FER: variants seen among roughly 807,000 people sequenced by gnomAD.
The protein encoded by FER is FER tyrosine kinase, also known as tyrosine-protein kinase Fer.
FER carries 63 observed loss-of-function variants against 111.0 expected under a neutral mutation model. The observed-to-expected ratio is 0.57, with a 90% confidence interval of 0.46 to 0.70. The LOEUF is 0.70. Among genes scored for constraint, FER ranks in the 30% least tolerant of loss-of-function variants. The probability of loss-of-function intolerance (pLI) is 0.00; values close to 1 mark genes in which losing one functional copy is unlikely to be tolerated. For missense variants in FER, 914 were observed against 954.0 expected, an observed-to-expected ratio of 0.96 and a Z score of 0.55; for synonymous variants, 327 against 313.9, an observed-to-expected ratio of 1.04 and a Z score of -0.44.
intron 16 of FER, among the ~76,000 whole-genome samples, chr5:109,093,174 G>A (rs1167456024): frequency 6.6e-6 from 1 of 152,102 alleles, no homozygotes; most frequent in Non-Finnish European, 1.5e-5. Context: ...CTAGAGATGT[G>A]TTGTACAACA....
chr5:109,064,251 G>T (rs1467703979), intron 16 of FER, among the ~76,000 whole-genome samples: 1 of 152,024 alleles, frequency 6.6e-6, no homozygotes, highest in East Asian at 1.9e-4. Context: ...TAACCTATTG[G>T]CATTCCACAT....
chr5:108,844,994 G>GTGTA (rs1441257235), intron 5 of FER, among the ~76,000 whole-genome samples: 8 of 42,644 alleles, frequency 1.9e-4, no homozygotes, highest in African/African-American at 6.1e-4. Flanking sequence ...GTGTGTGTGT[G>GTGTA]TGTATATATA....
At chr5:108,903,076 G>A (rs1353561481) in intron 10 of FER, among the ~76,000 whole-genome samples, 2 of 151,786 alleles carry the variant, frequency 1.3e-5, no homozygotes, top group Non-Finnish European at 2.9e-5. Flanking sequence ...TATATGCTTT[G>A]GACCAAACAT....
At chr5:108,821,266 T>C (rs963441313) in intron 3 of FER, among the ~76,000 whole-genome samples, 5 of 152,198 alleles carry the variant, frequency 3.3e-5, no homozygotes, top group African/African-American at 1.2e-4. Flanking sequence ...CCTTTGGTTC[T>C]TTAAAAACCT....
chr5:109,047,089 T>G lies in FER; in HGVS notation c.1830-15T>G. ...ATTCAAATGATAACTATTCGTATAT[T>G]TTCATCTCATCTAGAATTCTCAAGC... On this transcript the variant is annotated splice_polypyrimidine_tract_variant and intron_variant, in intron 15 of 19. Coordinates refer to ENST00000281092, the MANE Select transcript of FER (RefSeq NM_005246.4). The G allele has an allele frequency of 7.3e-7, 1 of 1,365,392 alleles. No individual in the cohort carries two copies. The highest frequency in any genetic ancestry group is 1.2e-5 in the South Asian group (1 of 80,582). The allele number at this position is 1,365,392 out of a possible 1,614,324, so 84.6% of individuals were successfully genotyped here. A position where few individuals can be genotyped will look rare whatever the true frequency, so the allele number is the denominator to read the frequency against.
At chr5:108,976,506 T>G (rs1761361106) in intron 13 of FER, among the ~76,000 whole-genome samples, 1 of 152,042 alleles carries the variant, frequency 6.6e-6, no homozygotes, top group Non-Finnish European at 1.5e-5. Flanking sequence ...CATATACAGT[T>G]GACCCCCTGA....
chr5:109,189,203 T>G lies in FER; in HGVS notation c.*1628T>G, dbSNP rs1466130823. 1 of 152,166 alleles carries G rather than the reference T, an allele frequency of 6.6e-6. No individual in the cohort carries two copies. Among genetic ancestry groups the G allele is most frequent in the Non-Finnish European group, 1.5e-5 (1 of 68,022 alleles). 9.4% of individuals were successfully genotyped at this position (152,166 alleles called of 1,614,324 possible). A position where few individuals can be genotyped will look rare whatever the true frequency, so the allele number is the denominator to read the frequency against. On this transcript the variant is annotated 3_prime_UTR_variant, in exon 20 of 20. Transcript: ENST00000281092. ...GGGAACTTACTTACTTACCCCATGA[T>G]CTGTATATAGTTGCCTCTCAGGATA... is the stretch of plus-strand genomic sequence containing the variant.
intron 3 of FER, among the ~76,000 whole-genome samples, chr5:108,823,254 G>A (rs1162887667): frequency 6.6e-6 from 1 of 152,146 alleles, no homozygotes; most frequent in Non-Finnish European, 1.5e-5. Flanking sequence ...TGAGATTACA[G>A]GTATCTTTTT....
At chr5:109,047,313 A>T in intron 16 of FER, 115 bp downstream of exon 16, 1 of 606,518 alleles carries the variant, frequency 1.6e-6, no homozygotes, top group East Asian at 3.1e-5. Flanking sequence ...TTTGTTTAAC[A>T]TTTCCAGATA....
intron 3 of FER, chr5:108,819,873 T>C (rs918371272): frequency 2.0e-6 from 2 of 985,134 alleles, no homozygotes; most frequent in Non-Finnish European, 2.4e-6. Flanking sequence ...TTGAGGAGTT[T>C]GAAAAAAGAT....
intron 10 of FER, among the ~76,000 whole-genome samples, chr5:108,925,939 T>C (rs1298562809): frequency 6.6e-6 from 1 of 152,030 alleles, no homozygotes; most frequent in Non-Finnish European, 1.5e-5. Context: ...AAGCCTGAGG[T>C]AATTAATGAC....
intron 17 of FER, among the ~76,000 whole-genome samples, chr5:109,160,289 G>C (rs1052372821): frequency 1.3e-5 from 2 of 152,016 alleles, no homozygotes; most frequent in Non-Finnish European, 2.9e-5. Context: ...CAAACGACAG[G>C]GATGAAAAGA....
chr5:109,149,904 C>T (rs1754633540), intron 17 of FER, among the ~76,000 whole-genome samples: 1 of 152,096 alleles, frequency 6.6e-6, no homozygotes. Flanking sequence ...AGCGGAAGGC[C>T]AGGGAGCATT....
chr5:109,051,837 G>T, intron 16 of FER: 2 of 1,596,502 alleles, frequency 1.3e-6, no homozygotes, highest in Admixed American at 1.7e-5. Context: ...AGATGATGAA[G>T]ATGGTTTTCT....
intron 17 of FER, among the ~76,000 whole-genome samples, chr5:109,141,122 T>C (rs1354526827): frequency 6.6e-6 from 1 of 152,168 alleles, no homozygotes; most frequent in Admixed American, 6.6e-5. Flanking sequence ...GTGGCCCCTC[T>C]TACCTTGTAT....
intron 2 of FER, among the ~76,000 whole-genome samples, chr5:108,774,910 G>T (rs1048212916): frequency 1.3e-5 from 2 of 152,086 alleles, no homozygotes; most frequent in African/African-American, 4.8e-5. Context: ...GATCCCATGT[G>T]TCAATTTTGG....
intron 17 of FER, among the ~76,000 whole-genome samples, chr5:109,127,733 T>C (rs1484342496): frequency 6.6e-6 from 1 of 152,072 alleles, no homozygotes; most frequent in African/African-American, 2.4e-5. Context: ...ATTAGAAAAA[T>C]ATTACTAATT....
At chr5:108,901,340 A>T (rs1489319748) in intron 10 of FER, among the ~76,000 whole-genome samples, 1 of 152,156 alleles carries the variant, frequency 6.6e-6, no homozygotes, top group Admixed American at 6.5e-5. Context: ...GAAGATGCAT[A>T]TAAGAAAGTG....
At chr5:109,156,276 G>A (rs940744987) in intron 17 of FER, among the ~76,000 whole-genome samples, 8 of 152,008 alleles carry the variant, frequency 5.3e-5, no homozygotes, top group Non-Finnish European at 1.0e-4. Context: ...AAGGCCTTAA[G>A]TTCATAAGGT....
Sources: allele counts gnomAD v4.1 joint callset (sites outside exome capture counted in the v4.1 genomes callset), GRCh38; gene constraint gnomAD v4.1.1; transcripts MANE v1.5; gene names NCBI Gene and HGNC (gene_info 2026-07-23, HGNC 2026-07-21).